RELL1: variants seen among roughly 807,000 people sequenced by gnomAD.
The protein encoded by RELL1 is RELT like 1.
RELL1 carries 10 observed loss-of-function variants against 23.0 expected under a neutral mutation model. The observed-to-expected ratio is 0.43, with a 90% CI of 0.27 to 0.74. The LOEUF (loss-of-function observed/expected upper bound fraction) is 0.74, where lower values mean the gene tolerates loss of function less well. Among genes scored for constraint, RELL1 ranks in the 30% least tolerant of loss-of-function variants. The probability of loss-of-function intolerance (pLI) is 0.19; values close to 1 mark genes in which losing one functional copy is unlikely to be tolerated. For missense variants in RELL1, 315 were observed against 364.4 expected, an observed-to-expected ratio of 0.86 and a Z score of 1.10; for synonymous variants, 146 against 146.8, an observed-to-expected ratio of 0.99 and a Z score of 0.04.
chr4:37,669,084 G>GC (rs1721668692), intron 1 of RELL1, among the ~76,000 whole-genome samples: 2 of 121,804 alleles, frequency 1.6e-5, no homozygotes, highest in Non-Finnish European at 3.3e-5. Flanking sequence ...CTGGCCAGCC[G>GC]CCCCGTCTGG....
chr4:37,662,970 C>A (rs1012645622), intron 1 of RELL1, among the ~76,000 whole-genome samples: 1 of 152,174 alleles, frequency 6.6e-6, no homozygotes, highest in Non-Finnish European at 1.5e-5. Context: ...GGTCAGCTTG[C>A]CAGTTATTTG....
chr4:37,625,706 C>T (rs1338509341), intron 6 of RELL1, among the ~76,000 whole-genome samples: 2 of 152,060 alleles, frequency 1.3e-5, no homozygotes, highest in Admixed American at 6.6e-5. Flanking sequence ...ATGGTGGCTA[C>T]AGTTAATAAC....
chr4:37,646,335 T>C (rs2109279243), intron 3 of RELL1, among the ~76,000 whole-genome samples: 1 of 152,328 alleles, frequency 6.6e-6, no homozygotes, highest in East Asian at 1.9e-4. Flanking sequence ...GAAAAAATAC[T>C]AAATTTCATA....
chr4:37,603,793 G>A (rs1719078765), intron 6 of RELL1, among the ~76,000 whole-genome samples: 1 of 152,210 alleles, frequency 6.6e-6, no homozygotes, highest in Non-Finnish European at 1.5e-5. Flanking sequence ...AAAACAGGCA[G>A]TGCTGGTTGC....
rs111547353 is a variant in RELL1 at position 37,613,668 on chromosome 4, C to G, written c.*4-326G>C. On this transcript the variant is annotated intron_variant, in intron 6 of 6. Coordinates refer to ENST00000454158, the MANE Select transcript of RELL1 (RefSeq NM_001085400.2). ...TGTCTTTCTAAAGCCCCACCAAAGC[C>G]AGTTCACTGGAAGTCTCTACTGACC... Among the ~76,000 whole-genome samples the G allele has an allele frequency of 5.9e-3, 899 of 152,274 alleles. 5 individuals carry two copies. The highest frequency in any genetic ancestry group is 0.021 in the African/African-American group (860 of 41,536).
chr4:37,644,651 G>A (rs1720646920), intron 3 of RELL1, among the ~76,000 whole-genome samples: 1 of 151,552 alleles, frequency 6.6e-6, no homozygotes, highest in Middle Eastern at 3.2e-3. Flanking sequence ...GTAGAGACGG[G>A]GTTTCACCAC....
intron 1 of RELL1, among the ~76,000 whole-genome samples, chr4:37,666,629 C>T (rs763617444): frequency 5.3e-5 from 8 of 152,154 alleles, no homozygotes; most frequent in Admixed American, 4.6e-4. Context: ...CAGAAAAGGA[C>T]AAGGAATCAC....
intron 6 of RELL1, among the ~76,000 whole-genome samples, chr4:37,600,814 G>A (rs1169716948): frequency 1.0e-5 from 1 of 98,826 alleles, no homozygotes; most frequent in Non-Finnish European, 2.0e-5. Flanking sequence ...TGTAGTTTTT[G>A]TTTGATTTGG....
At position 37,632,097 on chromosome 4, in the gene RELL1, A is replaced by AAC. The variant is rs1186253673; in HGVS notation, c.681-575_681-574insGT. ...TGTCTCAATAAGGAAAAAAAAAAAA[A>AAC]AAAAAAAAAAAACACCTCAGAGACT... On this transcript the variant is annotated intron_variant, in intron 5 of 6. Transcript: ENST00000454158. 2.3e-3 allele frequency among the ~76,000 whole-genome samples: 348 copies of AAC among 150,576 alleles called. 3 individuals carry two copies. Among genetic ancestry groups the AAC allele is most frequent in the African/African-American group, 8.2e-3 (337 of 40,902 alleles).
intron 1 of RELL1, among the ~76,000 whole-genome samples, chr4:37,680,931 CAAAA>C (rs397992973): frequency 0.033 from 2,428 of 73,552 alleles, 32 homozygotes; most frequent in East Asian, 0.12. Context: ...CACTCCATCT[CAAAA>C]AAAAAAAAAA....
downstream of RELL1, among the ~76,000 whole-genome samples, chr4:37,610,600 C>T (rs986079990): frequency 3.9e-5 from 6 of 152,124 alleles, no homozygotes; most frequent in East Asian, 3.8e-4. The surrounding 1 kb of genome is among the most constrained non-coding windows in gnomAD (Gnocchi z 4.1). Flanking sequence ...GTGTACAAGG[C>T]GCCAATAATT....
At chr4:37,588,770 GAA>G (rs963920813), downstream of RELL1, 5 of 1,042,620 alleles carry the variant, frequency 4.8e-6, no homozygotes, top group African/African-American at 4.8e-5. Context: ...AGTCTCTAGG[GAA>G]AAAAAAAGGC....
downstream of RELL1, chr4:37,588,715 T>C (rs538494784): frequency 1.6e-6 from 1 of 644,810 alleles, no homozygotes; most frequent in South Asian, 1.9e-5. Flanking sequence ...ACCCACGTGG[T>C]AGTTATCCTT....
At chr4:37,669,941 T>C (rs901286369) in intron 1 of RELL1, among the ~76,000 whole-genome samples, 205 of 151,726 alleles carry the variant, frequency 1.4e-3, no homozygotes, top group African/African-American at 4.7e-3. Context: ...ACCAGAGACC[T>C]TTGTTCACTT....
At chr4:37,586,648 G>A (rs375241252), downstream of RELL1, among the ~76,000 whole-genome samples, 5 of 152,204 alleles carry the variant, frequency 3.3e-5, no homozygotes, top group South Asian at 2.1e-4. Flanking sequence ...GGTGGCTCAC[G>A]CCTGTAATCC....
chr4:37,656,578 C>T (rs1002739978), intron 1 of RELL1, among the ~76,000 whole-genome samples: 4 of 152,214 alleles, frequency 2.6e-5, no homozygotes, highest in Non-Finnish European at 5.9e-5. Context: ...CCCTCCAAAA[C>T]ACACGTTGAA....
chr4:37,596,719 TA>T (rs1718858340), intron 6 of RELL1, among the ~76,000 whole-genome samples: 4 of 12,096 alleles, frequency 3.3e-4, no homozygotes, highest in Non-Finnish European at 1.2e-3. Flanking sequence ...CATATATATA[TA>T]TATATATATA....
At chr4:37,599,843 T>TAAGA (rs1456146324) in intron 6 of RELL1, among the ~76,000 whole-genome samples, 1 of 152,152 alleles carries the variant, frequency 6.6e-6, no homozygotes, top group Non-Finnish European at 1.5e-5. Flanking sequence ...CTACATAGCT[T>TAAGA]AAGATTCCTT....
rs540056402 is a variant in RELL1, at chr4:37,641,269, A to T, written c.386-2765T>A. On this transcript the variant is annotated intron_variant, in intron 3 of 6. Transcript: ENST00000454158. The stretch of plus-strand genomic sequence containing the variant: ...CACCCACATGCATGCATGTACAGGT[A>T]CATACCCACATGTACACACATGCGT... Among the ~76,000 whole-genome samples the T allele has an allele frequency of 2.0e-5, 3 of 152,322 alleles. No homozygotes were observed. In the East Asian group the frequency reaches 5.8e-4, roughly 29 times the overall value.
Sources: gnomAD v4.1 joint callset for allele counts (sites outside exome capture counted in the v4.1 genomes callset) on GRCh38, gnomAD v4.1.1 for gene constraint, Gnocchi (gnomAD v3.1) non-coding constraint, MANE v1.5 for transcripts, NCBI Gene and HGNC (gene_info 2026-07-23, HGNC 2026-07-21) for gene names.